The following FGF13 variants were observed in gnomAD, a reference collection of about 807,000 sequenced individuals.
The protein encoded by FGF13 is fibroblast growth factor 13.
Under a neutral mutation model 19.5 loss-of-function variants are expected in FGF13, and 2 were observed. The observed-to-expected ratio is 0.10, with a 90% CI of 0.04 to 0.32. FGF13 has a LOEUF of 0.32. Among genes scored for constraint, FGF13 ranks in the 10% least tolerant of loss-of-function variants. The pLI is 1.00. For synonymous variants in FGF13, 72 were observed against 76.9 expected (o/e 0.94, Z 0.33); for missense variants, 113 against 192.7 (o/e 0.59, Z 2.45).
At chrX:138,675,060 T>C (rs569363593) in intron 3 of FGF13, among the ~76,000 whole-genome samples, 3 of 111,292 alleles carry the variant, frequency 2.7e-5, no homozygotes, top group African/African-American at 9.8e-5. Flanking sequence ...AACTAATAGT[T>C]AAGGACAAAC....
intron 1 of FGF13, among the ~76,000 whole-genome samples, chrX:139,117,771 G>A (rs927434387): frequency 9.0e-5 from 10 of 111,506 alleles, no homozygotes; most frequent in African/African-American, 3.3e-4. Flanking sequence ...CAGATGCCTG[G>A]GGTAATACCT....
At chrX:139,027,333 A>G (rs900002971) in intron 1 of FGF13, among the ~76,000 whole-genome samples, 3 of 112,426 alleles carry the variant, frequency 2.7e-5, no homozygotes, top group Non-Finnish European at 3.8e-5. Flanking sequence ...AATGGCATGC[A>G]AGTTTTCATT....
intron 4 of FGF13, among the ~76,000 whole-genome samples, chrX:138,633,552 T>C (rs2089146173): frequency 8.9e-6 from 1 of 112,393 alleles, no homozygotes. Flanking sequence ...TTTAAAACAC[T>C]GATTTCTATC....
intron 1 of FGF13, among the ~76,000 whole-genome samples, chrX:139,009,059 G>GA (rs749088517): frequency 9.0e-6 from 1 of 111,453 alleles, no homozygotes; most frequent in Non-Finnish European, 1.9e-5. Context: ...AAATTCACTG[G>GA]AAAATCTCAG....
intron 3 of FGF13, among the ~76,000 whole-genome samples, chrX:138,781,706 C>A (rs1249100765): frequency 1.8e-5 from 2 of 111,687 alleles, no homozygotes; most frequent in Non-Finnish European, 1.9e-5. Context: ...CAGATGGATT[C>A]ACAGCTGAAT....
At chrX:138,848,488 T>C (rs1255358723) in intron 3 of FGF13, among the ~76,000 whole-genome samples, 1 of 111,694 alleles carries the variant, frequency 9.0e-6, no homozygotes, top group East Asian at 2.8e-4. Flanking sequence ...CCACAATAAA[T>C]TTTTTTCCAG....
rs1162674246 is a variant in FGF13 at position 138,984,588 on chromosome X, A to AAGGAGGAGGAGG, written c.-112-119950_-112-119939dup. Among the ~76,000 whole-genome samples the AAGGAGGAGGAGG allele has an allele frequency of 2.3e-3, 27 of 11,503 alleles. 5 individuals are homozygous for AAGGAGGAGGAGG. Among genetic ancestry groups the AAGGAGGAGGAGG allele is most frequent in the Non-Finnish European group, 3.8e-3 (20 of 5,290 alleles). The allele number at this position is 11,503 out of a possible 115,157, so 10.0% of individuals were successfully genotyped here. ...GAAGAAGAAGAAGAAGAAGAAGAAG[A>AAGGAGGAGGAGG]AGGAGGAGGAGGAGGAGGAGGAGGA... On this transcript the variant is annotated intron_variant, in intron 1 of 2. Transcript: ENST00000421460.
Position 139,080,642 on chromosome X carries a change from A to C in FGF13, c.-113+122774T>G, listed in dbSNP as rs749560523. ...ACACACAACCATGCTGTCTGTTCTC[A>C]TTTAAACTGAAGGCCTCATACCCCA... On this transcript the variant is annotated intron_variant, in intron 1 of 2. Coordinates refer to the FGF13 transcript ENST00000421460. Among the ~76,000 whole-genome samples, 6 of 111,854 alleles carry C rather than the reference A, an allele frequency of 5.4e-5. No individual in the cohort carries two copies. In the South Asian group the frequency reaches 2.3e-3, roughly 42 times the overall value.
exon 3 of FGF13, chrX:138,857,667 G>A (rs772725009): frequency 4.2e-6 from 5 of 1,195,881 alleles, no homozygotes; most frequent in South Asian, 1.9e-5. Context: ...GCCAGGGGGG[G>A]CGTCATCCAG....
chrX:139,177,744 C>G (rs1732387756), intron 1 of FGF13, among the ~76,000 whole-genome samples: 2 of 111,489 alleles, frequency 1.8e-5, no homozygotes, highest in African/African-American at 6.5e-5. Context: ...ACATTTCTCT[C>G]TCTCTTGCAT....
At chrX:139,090,867 G>A (rs1247752617) in intron 1 of FGF13, among the ~76,000 whole-genome samples, 1 of 106,000 alleles carries the variant, frequency 9.4e-6, no homozygotes, top group Non-Finnish European at 1.9e-5. Flanking sequence ...GTTTGAGCCC[G>A]GGAGGTTGAG....
At chrX:138,816,967 T>G (rs919869806) in intron 3 of FGF13, among the ~76,000 whole-genome samples, 1 of 112,020 alleles carries the variant, frequency 8.9e-6, no homozygotes, top group African/African-American at 3.2e-5. Flanking sequence ...TAAAAATAAT[T>G]AGAGGATTAA....
chrX:138,727,464 T>C (rs1030610865), intron 1 of FGF13, among the ~76,000 whole-genome samples: 10 of 111,470 alleles, frequency 9.0e-5, no homozygotes, highest in African/African-American at 2.6e-4. Context: ...TCAACCTTCC[T>C]GAGAATGAAT....
chrX:138,834,572 A>G (rs1268269042), intron 3 of FGF13, among the ~76,000 whole-genome samples: 3 of 97,672 alleles, frequency 3.1e-5, no homozygotes, highest in Non-Finnish European at 6.1e-5. Flanking sequence ...AGTCTATTTT[A>G]TTTACTTATT....
intron 1 of FGF13, among the ~76,000 whole-genome samples, chrX:139,085,922 A>T (rs2083400776): frequency 8.9e-6 from 1 of 112,276 alleles, no homozygotes; most frequent in Non-Finnish European, 1.9e-5. Context: ...AATTTGAACA[A>T]TTTTTTACCT....
chrX:138,634,960 C>T (rs138597789), intron 4 of FGF13, among the ~76,000 whole-genome samples: 1,305 of 111,892 alleles, frequency 0.012, 14 homozygotes, highest in African/African-American at 0.038. Context: ...TATAGCAGCG[C>T]AATTCACAAT....
chrX:138,700,695 C>T (rs1373688539), intron 3 of FGF13, among the ~76,000 whole-genome samples: 2 of 111,615 alleles, frequency 1.8e-5, no homozygotes, highest in African/African-American at 6.5e-5. Flanking sequence ...GATATTCTTT[C>T]CATATATGAA....
intron 1 of FGF13, among the ~76,000 whole-genome samples, chrX:139,092,830 C>A (rs1309106427): frequency 9.0e-6 from 1 of 111,562 alleles, no homozygotes; most frequent in East Asian, 2.8e-4. Flanking sequence ...TATCCTCCCA[C>A]CATTCAGTGA....
Position 139,182,064 on chromosome X carries a change from A to AATAATG in FGF13, c.-113+21351_-113+21352insCATTAT, listed in dbSNP as rs1182016886. ...TAATAAGAACTTAAGTAATAATAAT[A>AATAATG]ATAGCAAACACTTATATAGAGCTTA... On this transcript the variant is annotated intron_variant, in intron 1 of 2. Coordinates refer to the FGF13 transcript ENST00000421460. Among the ~76,000 whole-genome samples the AATAATG allele has an allele frequency of 3.0e-4, 33 of 111,174 alleles. 1 individual carries two copies. The highest frequency in any genetic ancestry group is 4.0e-4 in the Non-Finnish European group (21 of 53,010).
Sources: allele counts gnomAD v4.1 joint callset (sites outside exome capture counted in the v4.1 genomes callset), GRCh38; gene constraint gnomAD v4.1.1; transcripts MANE v1.5; gene names NCBI Gene and HGNC (gene_info 2026-07-23, HGNC 2026-07-21).